Variants in ACTG2 observed in about 807,000 individuals in gnomAD.
ACTG2 encodes the protein actin gamma 2, smooth muscle, also known as actin, gamma-enteric smooth muscle.
A neutral mutation model predicts 37.6 loss-of-function variants in ACTG2; 16 were observed. That is an observed-to-expected ratio of 0.43 (90% confidence interval 0.29 to 0.65). ACTG2 has a LOEUF of 0.65. Among genes scored for constraint, ACTG2 ranks in the 30% least tolerant of loss-of-function variants. The probability of loss-of-function intolerance (pLI) is 0.18; values close to 1 mark genes in which losing one functional copy is unlikely to be tolerated. For missense variants in ACTG2, 238 were observed against 490.9 expected (o/e 0.48, Z 4.87); for synonymous variants, 181 against 179.9 (o/e 1.01, Z -0.05).
At chr2:73,901,228 C>A in intron 1 of ACTG2, 48 bp from the exon 2 acceptor site, 1 of 1,408,704 alleles carries the variant, frequency 7.1e-7, no homozygotes, top group Non-Finnish European at 9.5e-7. Flanking sequence ...TGTCTCCAAA[C>A]TGATTTGACA....
intron 3 of ACTG2, 28 bp from the exon 4 acceptor site, chr2:73,908,645 A>G (rs771298060): frequency 6.4e-7 from 1 of 1,557,970 alleles, no homozygotes; most frequent in Non-Finnish European, 8.7e-7. Context: ...GGAGTCTGCC[A>G]GGCTCATATG....
At chr2:73,916,041 A>C (rs1367127321) in intron 7 of ACTG2, among the ~76,000 whole-genome samples, 2 of 152,218 alleles carry the variant, frequency 1.3e-5, no homozygotes, top group Non-Finnish European at 2.9e-5. Flanking sequence ...AAGAAAGATG[A>C]TATAACAAAA....
Position 73,893,054 on chromosome 2 carries a change from A to G in ACTG2, c.-37+3A>G, listed in dbSNP as rs2070581. 51,376 of 152,150 alleles carry G rather than the reference A, an allele frequency of 0.34. 9,182 individuals are homozygous for G. Among genetic ancestry groups the G allele is most frequent in the African/African-American group, 0.46 (18,995 of 41,452 alleles). 9.4% of individuals were successfully genotyped at this position (152,150 alleles called of 1,614,324 possible). On this transcript the variant is annotated splice_donor_region_variant and intron_variant, in intron 1 of 8. Coordinates refer to ENST00000345517, the MANE Select transcript of ACTG2 (RefSeq NM_001615.4). ...GAGAAGAACCTCTCATACCCTCGGT[A>G]AGTACTGTACGGCTTTTGCCACCTC...
intron 7 of ACTG2, 26 bp downstream of exon 7, chr2:73,914,897 C>A: frequency 6.7e-7 from 1 of 1,502,794 alleles, no homozygotes; most frequent in Non-Finnish European, 9.0e-7. Context: ...CAGTCCCTGC[C>A]AATCTCAGGA....
intron 3 of ACTG2, chr2:73,902,931 T>C (rs1679924913): frequency 2.8e-6 from 2 of 703,710 alleles, no homozygotes; most frequent in African/African-American, 3.6e-5. Context: ...ACCCCTTCTT[T>C]AAAATGCTGG....
At chr2:73,916,552 G>A (rs780130820) in intron 7 of ACTG2, 32 bp from the exon 8 acceptor site, 2 of 1,589,608 alleles carry the variant, frequency 1.3e-6, no homozygotes. Flanking sequence ...AGGAAGTGAT[G>A]CCTGTTGACC....
intron 3 of ACTG2, among the ~76,000 whole-genome samples, chr2:73,904,018 G>A (rs1679951710): frequency 6.6e-6 from 1 of 150,832 alleles, no homozygotes; most frequent in Admixed American, 6.6e-5. Context: ...CAACACTTTG[G>A]GAAGCCAAGG....
In ACTG2 at chr2:73,916,601, A is replaced by C; in HGVS notation, c.823A>C (p.Ile275Leu). The change falls in exon 8 of 9, where the codon ATT (isoleucine) becomes CTT (leucine). Residue 275 changes from isoleucine (I) to leucine (L), a missense_variant. Coordinates refer to ENST00000345517, the MANE Select transcript of ACTG2 (RefSeq NM_001615.4). ...TCCACTAGGCATGGAGTCCGCTGGAATTCATGAGACAACCTACAATTCCAT... is the reference window on the plus strand; with the variant it reads ...TCCACTAGGCATGGAGTCCGCTGGACTTCATGAGACAACCTACAATTCCAT... The part of the protein sequence containing the change: ...PSFIGMESAG[I>L]HETTYNSIMK... 1 of 1,613,830 alleles carries C rather than the reference A, an allele frequency of 6.2e-7. No individual in the cohort carries two copies. The highest frequency in any genetic ancestry group is 8.5e-7 in the Non-Finnish European group (1 of 1,179,870).
intron 3 of ACTG2, among the ~76,000 whole-genome samples, chr2:73,903,769 G>A (rs185574435): frequency 1.3e-3 from 194 of 151,828 alleles, no homozygotes; most frequent in African/African-American, 4.5e-3. Flanking sequence ...ATGAAACCCC[G>A]TCTCTACTAA....
intron 1 of ACTG2, among the ~76,000 whole-genome samples, chr2:73,899,000 C>T (rs544091492): frequency 5.9e-5 from 9 of 151,600 alleles, no homozygotes; most frequent in Admixed American, 1.3e-4. Flanking sequence ...TTAGTAGAGA[C>T]GGGGTTTCAC....
chr2:73,907,825 C>T (rs1042625328), intron 3 of ACTG2, among the ~76,000 whole-genome samples: 5 of 152,208 alleles, frequency 3.3e-5, no homozygotes, highest in East Asian at 3.9e-4. Flanking sequence ...GGATACTGGT[C>T]GGCCCTCCAC....
chr2:73,911,065 T>A (rs1680124025), intron 5 of ACTG2, among the ~76,000 whole-genome samples: 1 of 152,176 alleles, frequency 6.6e-6, no homozygotes, highest in South Asian at 2.1e-4. Flanking sequence ...GTTAATAACA[T>A]GCATGGAGCT....
At chr2:73,899,578 T>C (rs1471714096) in intron 1 of ACTG2, among the ~76,000 whole-genome samples, 6 of 152,214 alleles carry the variant, frequency 3.9e-5, no homozygotes, top group African/African-American at 1.4e-4. Flanking sequence ...CCAGCTGTTT[T>C]ATCTGAAAAC....
intron 7 of ACTG2, among the ~76,000 whole-genome samples, chr2:73,915,247 C>A (rs1047909471): frequency 7.2e-5 from 11 of 151,868 alleles, no homozygotes; most frequent in Non-Finnish European, 1.3e-4. Flanking sequence ...TGGCCAGGCG[C>A]GGTGGCTCAC....
At chr2:73,909,569 G>A (rs1293383104) in intron 5 of ACTG2, among the ~76,000 whole-genome samples, 1 of 152,162 alleles carries the variant, frequency 6.6e-6, no homozygotes, top group Non-Finnish European at 1.5e-5. Flanking sequence ...CACAAACCTA[G>A]ACGCTGTAGC....
chr2:73,915,536 AAG>A (rs1680245844), intron 7 of ACTG2, among the ~76,000 whole-genome samples: 1 of 151,318 alleles, frequency 6.6e-6, no homozygotes, highest in African/African-American at 2.4e-5. Context: ...AAAAAAAAAA[AAG>A]AGTAGAGGTA....
chr2:73,917,830 T>A (rs974475317), intron 8 of ACTG2, among the ~76,000 whole-genome samples: 2 of 152,152 alleles, frequency 1.3e-5, no homozygotes, highest in African/African-American at 2.4e-5. Flanking sequence ...GGTGCATTAC[T>A]GAGGCCTGTC....
intron 3 of ACTG2, among the ~76,000 whole-genome samples, chr2:73,904,285 G>A: frequency 6.8e-6 from 1 of 146,480 alleles, no homozygotes; most frequent in Non-Finnish European, 1.5e-5. Flanking sequence ...AAGGAAGGAA[G>A]GAAGAAAACA....
chr2:73,915,151 C>T (rs1680230482), intron 7 of ACTG2, among the ~76,000 whole-genome samples: 1 of 152,000 alleles, frequency 6.6e-6, no homozygotes, highest in African/African-American at 2.4e-5. Flanking sequence ...TTGTAGGCAG[C>T]AATGTAGCAA....
Sources: gnomAD v4.1 joint callset for allele counts (sites outside exome capture counted in the v4.1 genomes callset) on GRCh38, gnomAD v4.1.1 for gene constraint, MANE v1.5 for transcripts, NCBI Gene and HGNC (gene_info 2026-07-23, HGNC 2026-07-21) for gene names.